Variants in RAPGEF5 observed in about 807,000 individuals in gnomAD.
RAPGEF5 encodes Rap guanine nucleotide exchange factor 5.
A neutral mutation model predicts 125.2 loss-of-function variants in RAPGEF5; 65 were observed. The observed-to-expected ratio is 0.52, with a 90% CI of 0.43 to 0.64. RAPGEF5 has a LOEUF of 0.64. RAPGEF5 is among the 30% of genes least tolerant of loss of function. RAPGEF5 has a pLI of 0.00. For synonymous variants in RAPGEF5, 391 were observed against 385.9 expected (o/e 1.01, Z -0.16); for missense variants, 958 against 1,048.1 (o/e 0.91, Z 1.19).
At position 22,261,603 on chromosome 7, in the gene RAPGEF5, G is replaced by A. The variant is rs62447590; in HGVS notation, c.796+5361C>T. Among the ~76,000 whole-genome samples, 652 of 152,244 alleles carry A rather than the reference G, an allele frequency of 4.3e-3. 2 individuals are homozygous for A. The highest frequency in any genetic ancestry group is 6.4e-3 in the Non-Finnish European group (433 of 68,014). On this transcript the variant is annotated intron_variant, in intron 7 of 25. Transcript: ENST00000665637. ...ACTGCGCCACTGCACTCCGGCCTAG[G>A]CAACAGAGTGAGACCCTGTCTCAAA...
chr7:22,182,212 C>A (rs1305320303), intron 11 of RAPGEF5, among the ~76,000 whole-genome samples: 1 of 152,160 alleles, frequency 6.6e-6, no homozygotes, highest in Non-Finnish European at 1.5e-5. Flanking sequence ...ATCTGATTAT[C>A]TCACTTTAAA....
chr7:22,159,157 CT>C (rs1783904814), intron 14 of RAPGEF5, among the ~76,000 whole-genome samples: 1 of 151,956 alleles, frequency 6.6e-6, no homozygotes, highest in African/African-American at 2.4e-5. Context: ...TCCTTTTTTT[CT>C]TTTTTTGATT....
At chr7:22,355,599 G>T (rs1000147800) in intron 1 of RAPGEF5, among the ~76,000 whole-genome samples, 1 of 152,062 alleles carries the variant, frequency 6.6e-6, no homozygotes, top group African/African-American at 2.4e-5. Context: ...CTGGGTCACC[G>T]ACTTTAAGAA....
chr7:22,277,247 T>TCAATCAA (rs760370401), intron 6 of RAPGEF5, among the ~76,000 whole-genome samples: 11 of 152,342 alleles, frequency 7.2e-5, no homozygotes, highest in Middle Eastern at 3.4e-3. Flanking sequence ...GTCAGAGGTA[T>TCAATCAA]CAATCAACTT....
intron 9 of RAPGEF5, among the ~76,000 whole-genome samples, chr7:22,205,435 C>T (rs751006623): frequency 1.3e-5 from 2 of 152,192 alleles, no homozygotes; most frequent in Non-Finnish European, 1.5e-5. Flanking sequence ...ACATCTCAAA[C>T]CACCCACAAT....
At chr7:22,154,744 G>C in intron 16 of RAPGEF5, 140 bp from the exon 17 acceptor site, 1 of 817,354 alleles carries the variant, frequency 1.2e-6, no homozygotes, top group African/African-American at 1.7e-5. Context: ...TACAGAGTTA[G>C]ATTTTTTATA....
At chr7:22,355,451 T>C (rs1359781720) in intron 1 of RAPGEF5, among the ~76,000 whole-genome samples, 2 of 152,240 alleles carry the variant, frequency 1.3e-5, no homozygotes, top group Non-Finnish European at 2.9e-5. Context: ...TACTTTTCCC[T>C]GGATTCCTGC....
At chr7:22,293,318 C>T (rs1406482632) in intron 5 of RAPGEF5, among the ~76,000 whole-genome samples, 1 of 152,146 alleles carries the variant, frequency 6.6e-6, no homozygotes, top group African/African-American at 2.4e-5. Context: ...ACACTGAACT[C>T]CTCTCTTACC....
chr7:22,353,948 T>A (rs1469621192), intron 1 of RAPGEF5, among the ~76,000 whole-genome samples: 1 of 152,116 alleles, frequency 6.6e-6, no homozygotes, highest in Non-Finnish European at 1.5e-5. Flanking sequence ...GGTGTGTGCC[T>A]GTATCCCAGT....
At chr7:22,207,742 T>C (rs543769798) in intron 9 of RAPGEF5, among the ~76,000 whole-genome samples, 23 of 152,200 alleles carry the variant, frequency 1.5e-4, no homozygotes, top group Non-Finnish European at 2.6e-4. Context: ...CTATGTATAA[T>C]ATACTAAATT....
At chr7:22,335,410 C>T (rs1219389000) in intron 1 of RAPGEF5, among the ~76,000 whole-genome samples, 1 of 152,098 alleles carries the variant, frequency 6.6e-6, no homozygotes, top group Non-Finnish European at 1.5e-5. Context: ...CCTTTTTATC[C>T]AGTCAGTTCC....
chr7:22,251,476 C>G (rs568530989), intron 7 of RAPGEF5, among the ~76,000 whole-genome samples: 2 of 152,268 alleles, frequency 1.3e-5, no homozygotes, highest in South Asian at 4.1e-4. Context: ...CTTCCACTAA[C>G]CAGGGAACCA....
At chr7:22,342,088 T>C (rs1784140419) in intron 1 of RAPGEF5, among the ~76,000 whole-genome samples, 1 of 152,230 alleles carries the variant, frequency 6.6e-6, no homozygotes, top group East Asian at 1.9e-4. Context: ...GCCATTTCCA[T>C]ACATCTTCTA....
In RAPGEF5 at chr7:22,156,801, C is replaced by T. The variant is rs1783823490; in HGVS notation, c.1636+9G>A. ...CCACCCCCAAACCCTCACTTCAAAC[C>T]ATACTCACTTTCCTCCGTTTCAGTC... On this transcript the variant is annotated intron_variant, in intron 16 of 25. Transcript: ENST00000665637. 6.2e-7 allele frequency: 1 copy of T among 1,613,720 alleles called. No individual in the cohort carries two copies. The highest frequency in any genetic ancestry group is 1.1e-5 in the South Asian group (1 of 91,058).
chr7:22,153,338 C>G (rs1583419204), intron 17 of RAPGEF5, among the ~76,000 whole-genome samples: 5 of 152,068 alleles, frequency 3.3e-5, no homozygotes, highest in Admixed American at 2.6e-4. Context: ...TTTATCATAC[C>G]AATTTGAAAT....
chr7:22,182,602 T>C (rs1784709246), intron 11 of RAPGEF5, among the ~76,000 whole-genome samples: 1 of 152,212 alleles, frequency 6.6e-6, no homozygotes, highest in Non-Finnish European at 1.5e-5. Flanking sequence ...TGAGAAAATA[T>C]GGCAATTTAC....
At chr7:22,181,262 T>G (rs1364177051) in intron 11 of RAPGEF5, among the ~76,000 whole-genome samples, 1 of 152,208 alleles carries the variant, frequency 6.6e-6, no homozygotes, top group Non-Finnish European at 1.5e-5. Context: ...GCTTACTTGC[T>G]GTCAGTACTA....
At chr7:22,294,043 T>G (rs970017494) in intron 5 of RAPGEF5, among the ~76,000 whole-genome samples, 2 of 152,196 alleles carry the variant, frequency 1.3e-5, no homozygotes, top group African/African-American at 2.4e-5. Context: ...AGGAAACAGA[T>G]GCAGCAGAGG....
chr7:22,190,063 C>T (rs981598800), intron 11 of RAPGEF5, among the ~76,000 whole-genome samples: 6 of 152,086 alleles, frequency 3.9e-5, no homozygotes, highest in African/African-American at 1.4e-4. Flanking sequence ...AGGTGGATCA[C>T]GAGATCAGGA....
Sources: allele counts gnomAD v4.1 joint callset (sites outside exome capture counted in the v4.1 genomes callset), GRCh38; gene constraint gnomAD v4.1.1; transcripts MANE v1.5; gene names NCBI Gene and HGNC (gene_info 2026-07-23, HGNC 2026-07-21).